The following STAT5A variants were observed in gnomAD, a reference collection of about 807,000 sequenced individuals.
The protein encoded by STAT5A is epididymis secretory sperm binding protein.
A neutral mutation model predicts 100.2 loss-of-function variants in STAT5A; 26 were observed. The ratio of observed to expected loss-of-function variants is 0.26; its 90% CI spans 0.19 to 0.36. STAT5A has a LOEUF of 0.36. Ranked by LOEUF, STAT5A falls within the 10% of genes least tolerant of loss-of-function variation. STAT5A has a pLI of 1.00. For synonymous variants in STAT5A, 330 were observed against 424.3 expected (o/e 0.78, Z 2.73); for missense variants, 634 against 1,027.5 (o/e 0.62, Z 5.24).
intron 12 of STAT5A, 28 bp downstream of exon 12, chr17:42,305,730 G>A (rs1392870490): frequency 7.4e-6 from 12 of 1,610,898 alleles, no homozygotes; most frequent in African/African-American, 2.7e-5. Flanking sequence ...CCCTACCCCA[G>A]CACCCCCAGG....
chr17:42,304,797 A>C lies in STAT5A; in HGVS notation c.1380+145A>C, dbSNP rs2081012823. 7.7e-7 allele frequency: 1 copy of C among 1,300,302 alleles called. No individual in the cohort carries two copies. The highest frequency in any genetic ancestry group is 1.1e-6 in the Non-Finnish European group (1 of 942,018). 80.5% of individuals were successfully genotyped at this position (1,300,302 alleles called of 1,614,324 possible). The stretch of plus-strand genomic sequence containing the variant: ...GTTTGATAGGTTATAATCTGGGACT[A>C]ACCCAGACAATTTAGGCAATGGGCT... On this transcript the variant is annotated intron_variant, in intron 11 of 18. Transcript: ENST00000590949. This position sits in a 1 kb window ranked among gnomAD's most constrained non-coding sequence, Gnocchi z 4.8.
Position 42,289,868 on chromosome 17 carries a change from A to G in STAT5A, c.131A>G (p.Asp44Gly). 2 of 1,558,510 alleles carry G rather than the reference A, an allele frequency of 1.3e-6. No homozygotes were observed. Among genetic ancestry groups the G allele is most frequent in the Non-Finnish European group, 1.7e-6 (2 of 1,150,914 alleles). ...TTTCTCTTCTGCCCTGCCCCAAGGGATGCCATTGACTTGGACAATCCCCAG... is the reference window on the plus strand; with the variant it reads ...TTTCTCTTCTGCCCTGCCCCAAGGGGTGCCATTGACTTGGACAATCCCCAG... Reference protein sequence around the residue: ...LAQWIESQPWDAIDLDNPQDR... With the variant: ...LAQWIESQPWGAIDLDNPQDR... The change falls in exon 3 of 19, where the codon GAT becomes GGT. Residue 44 changes from aspartate (D) to glycine (G), a missense_variant and splice_region_variant. Asp to Gly is a moderately conservative substitution (Grantham distance 94). Coordinates refer to ENST00000590949, the MANE Select transcript of STAT5A (RefSeq NM_001288718.2).
chr17:42,300,739 C>T lies in STAT5A; in HGVS notation c.858C>T (p.Ile286=), dbSNP rs964090302. ...GGTGTGAGAAGTTGGCCGAGATCAT[C>T]TGGCAGAACCGGCAGCAGATCCGCA... is the stretch of plus-strand genomic sequence containing the variant. The part of the protein sequence containing the change: ...QSWCEKLAEI[I]WQNRQQIRRA... Residue 286 remains isoleucine (I), a synonymous_variant, in exon 8 of 19, where the codon ATC becomes ATT. Coordinates refer to ENST00000590949, the MANE Select transcript of STAT5A (RefSeq NM_001288718.2). 3.1e-6 allele frequency: 5 copies of T among 1,613,590 alleles called. No individual in the cohort carries two copies. The African/African-American group carries it at 6.7e-5, about 22-fold the overall frequency.
chr17:42,304,438 G>C lies in STAT5A; in HGVS notation c.1257+9G>C, dbSNP rs376624827. On this transcript the variant is annotated intron_variant, in intron 10 of 18. Coordinates refer to ENST00000590949, the MANE Select transcript of STAT5A (RefSeq NM_001288718.2). This position sits in a 1 kb window ranked among gnomAD's most constrained non-coding sequence, Gnocchi z 4.8. ...CCCACTTCAGGAACATGGTGAGGACGGGGCCCACCCTCGGAGGGCAGGTCT... is the reference window on the plus strand; with the variant it reads ...CCCACTTCAGGAACATGGTGAGGACCGGGCCCACCCTCGGAGGGCAGGTCT... 1.1e-5 allele frequency: 18 copies of C among 1,614,212 alleles called. No homozygotes were observed. The highest frequency in any genetic ancestry group is 3.4e-6 in the Non-Finnish European group (4 of 1,180,028).
At chr17:42,309,325 C>G (rs998263113) in intron 17 of STAT5A, 52 bp from the exon 18 acceptor site, 16 of 1,601,836 alleles carry the variant, frequency 1.0e-5, no homozygotes, top group Non-Finnish European at 3.4e-6. Flanking sequence ...CTCCCCAAGT[C>G]AGCTGCCCCG....
intron 15 of STAT5A, 122 bp downstream of exon 15, chr17:42,307,845 A>G (rs1014853361): frequency 7.2e-7 from 1 of 1,391,502 alleles, no homozygotes; most frequent in Non-Finnish European, 9.8e-7. Context: ...GCTTAGTATG[A>G]GAGGGCTGTG....
At chr17:42,307,565 G>A in intron 14 of STAT5A, 28 bp from the exon 15 acceptor site, 6 of 1,614,066 alleles carry the variant, frequency 3.7e-6, no homozygotes, top group Non-Finnish European at 5.1e-6. Context: ...GTGGCCCAGT[G>A]GTGACGCTCA....
chr17:42,290,774 A>G (rs2080862280), intron 3 of STAT5A, among the ~76,000 whole-genome samples: 1 of 152,116 alleles, frequency 6.6e-6, no homozygotes, highest in African/African-American at 2.4e-5. Context: ...ACGAGTACAT[A>G]ATGTCTGAGC....
intron 4 of STAT5A, among the ~76,000 whole-genome samples, chr17:42,292,837 C>T (rs939355817): frequency 4.0e-5 from 6 of 151,512 alleles, no homozygotes; most frequent in Non-Finnish European, 7.4e-5. Context: ...ACTATGTTGG[C>T]CAGGCTGGTC....
intron 5 of STAT5A, among the ~76,000 whole-genome samples, chr17:42,296,373 G>A (rs543475252): frequency 2.2e-4 from 33 of 152,052 alleles, no homozygotes; most frequent in Admixed American, 1.4e-3. Flanking sequence ...TCTGTAGTTC[G>A]CCAATGGCTC....
chr17:42,307,133 G>C (rs1338338010), intron 13 of STAT5A, among the ~76,000 whole-genome samples: 1 of 152,136 alleles, frequency 6.6e-6, no homozygotes, highest in Non-Finnish European at 1.5e-5. Flanking sequence ...AATGACTTTG[G>C]AGGCCCCATC....
At position 42,307,674 on chromosome 17, in the gene STAT5A, T is replaced by C. The variant is rs1481598046; in HGVS notation, c.1857T>C (p.Phe619=). The change falls in exon 15 of 19, where the codon TTT becomes TTC. Residue 619 remains phenylalanine (F), a synonymous_variant. Transcript: ENST00000590949. The part of the protein sequence containing the change: ...NKPDGTFLLR[F]SDSEIGGITI... ...CCGACGGGACCTTCTTGTTGCGCTT[T>C]AGTGACTCAGAAATCGGGGGCATCA... 1.2e-6 allele frequency: 2 copies of C among 1,614,124 alleles called. No homozygotes were observed. The highest frequency in any genetic ancestry group is 1.7e-6 in the Non-Finnish European group (2 of 1,180,010).
chr17:42,295,841 A>G (rs1343723149), intron 5 of STAT5A, 48 bp downstream of exon 5: 2 of 1,599,846 alleles, frequency 1.3e-6, no homozygotes, highest in African/African-American at 2.7e-5. Flanking sequence ...GGAGTGAGGA[A>G]CATTCTATGG....
intron 12 of STAT5A, 28 bp from the exon 13 acceptor site, chr17:42,306,213 C>T: frequency 6.2e-7 from 1 of 1,613,932 alleles, no homozygotes; most frequent in Non-Finnish European, 8.5e-7. Context: ...CTCAATCTAC[C>T]TTTTCCCCTC....
chr17:42,289,384 G>GCGCT lies in STAT5A; in HGVS notation c.-10-15_-10-12dup. On this transcript the variant is annotated splice_polypyrimidine_tract_variant and intron_variant, in intron 1 of 18. Coordinates refer to ENST00000590949, the MANE Select transcript of STAT5A (RefSeq NM_001288718.2). ...GGCCTCTGCAGAGGAGAGCGCTTCA[G>GCGCT]CGCTCGGCTCGCCCTAGGTGAACGG... The GCGCT allele has an allele frequency of 6.3e-7, 1 of 1,593,512 alleles. No homozygotes were observed. The highest frequency in any genetic ancestry group is 1.7e-5 in the Admixed American group (1 of 57,916).
At chr17:42,309,657 A>C (rs2081062042) in intron 18 of STAT5A, 173 bp downstream of exon 18, 2 of 622,566 alleles carry the variant, frequency 3.2e-6, no homozygotes, top group African/African-American at 3.7e-5. Context: ...AGCAGGGTCA[A>C]GTCCTCACTC....
chr17:42,303,881 G>A (rs555862627), intron 9 of STAT5A, among the ~76,000 whole-genome samples: 1 of 152,148 alleles, frequency 6.6e-6, no homozygotes, highest in South Asian at 2.1e-4. Context: ...TGTTTGGGGT[G>A]ACAGGAAGAG....
Position 42,310,585 on chromosome 17 carries a change from C to G in STAT5A, c.2301C>G (p.Leu767=), listed in dbSNP as rs1389060973. ...TMDVARHVEE[L]LRRPMDSLDS... ...ATGTGGCCAGGCACGTGGAGGAACT[C>G]TTACGCCGACCAATGGACAGTCTTG... The change falls in exon 19 of 19, where the codon CTC becomes CTG. Residue 767 remains leucine (L), a synonymous_variant. Coordinates refer to ENST00000590949, the MANE Select transcript of STAT5A (RefSeq NM_001288718.2). 6.2e-7 allele frequency: 1 copy of G among 1,614,136 alleles called. No individual in the cohort carries two copies. The highest frequency in any genetic ancestry group is 1.3e-5 in the African/African-American group (1 of 74,954).
chr17:42,309,238 G>A (rs1203706954), intron 17 of STAT5A, 139 bp from the exon 18 acceptor site: 7 of 1,555,136 alleles, frequency 4.5e-6, no homozygotes, highest in Non-Finnish European at 6.2e-6. Flanking sequence ...CCCCTCTCCT[G>A]TAGCTGGAGC....
Sources: allele counts gnomAD v4.1 joint callset (sites outside exome capture counted in the v4.1 genomes callset), GRCh38; gene constraint gnomAD v4.1.1; non-coding constraint Gnocchi (gnomAD v3.1); transcripts MANE v1.5; gene names NCBI Gene and HGNC (gene_info 2026-07-23, HGNC 2026-07-21).